Variants in SPEN observed in about 807,000 individuals in gnomAD.
SPEN encodes the protein msx2-interacting protein.
A neutral mutation model predicts 269.9 loss-of-function variants in SPEN; 18 were observed. The ratio of observed to expected loss-of-function variants is 0.07; its 90% CI spans 0.05 to 0.10. The LOEUF is 0.10. Ranked by LOEUF, SPEN falls within the 10% of genes least tolerant of loss-of-function variation. SPEN has a pLI of 1.00. For synonymous variants in SPEN, 1,726 were observed against 1,765.7 expected (o/e 0.98, Z 0.56); for missense variants, 3,822 against 4,631.2 (o/e 0.83, Z 5.07).
rs765855418 is a variant in SPEN at position 15,933,274 on chromosome 1, A to T, written c.7034A>T (p.Asn2345Ile). 6.2e-7 allele frequency: 1 copy of T among 1,614,106 alleles called. No homozygotes were observed. Among genetic ancestry groups the T allele is most frequent in the South Asian group, 1.1e-5 (1 of 91,086 alleles). Residue 2345 changes from asparagine to isoleucine, a missense_variant, in exon 11 of 15, where the codon AAC (asparagine) becomes ATC (isoleucine). Transcript: ENST00000375759. The surrounding 1 kb of genome is among the most constrained non-coding windows in gnomAD (Gnocchi z 5.7). Reference sequence around the variant, plus strand: ...CGATCACGCCGCAAGCGAAACACAAACAAGAAAGTGGTGGCTCCTGTAGAG... The same window carrying T: ...CGATCACGCCGCAAGCGAAACACAATCAAGAAAGTGGTGGCTCCTGTAGAG... ...TTRSRRKRNT[N>I]KKVVAPVESH...
chr1:15,919,629 T>C lies in SPEN; in HGVS notation c.1635+112T>C, dbSNP rs1212775931. On this transcript the variant is annotated intron_variant, in intron 8 of 14. Coordinates refer to ENST00000375759, the MANE Select transcript of SPEN (RefSeq NM_015001.3). Reference sequence around the variant, plus strand: ...GCCTATTTCTTTAATAACGAGCACATTAAAATTATGTTTGCTAAGATTTGG... The same window carrying C: ...GCCTATTTCTTTAATAACGAGCACACTAAAATTATGTTTGCTAAGATTTGG... The C allele has an allele frequency of 6.6e-6, 4 of 604,184 alleles. No individual in the cohort carries two copies. In the African/African-American group the frequency reaches 7.5e-5, roughly 11 times the overall value. 37.4% of individuals were successfully genotyped at this position (604,184 alleles called of 1,614,324 possible).
chr1:15,874,511 A>G (rs1557739315), intron 2 of SPEN: 4 of 734,018 alleles, frequency 5.4e-6, no homozygotes, highest in Non-Finnish European at 7.6e-6. Flanking sequence ...GAGAATAGCC[A>G]TTAGATTTCA....
At chr1:15,852,075 A>C (rs545333889) in intron 1 of SPEN, among the ~76,000 whole-genome samples, 20 of 152,346 alleles carry the variant, frequency 1.3e-4, no homozygotes, top group African/African-American at 4.6e-4. Flanking sequence ...AGTTAAATAG[A>C]TGGAATAGCT....
intron 10 of SPEN, among the ~76,000 whole-genome samples, chr1:15,925,187 T>C (rs1268169031): frequency 2.0e-5 from 3 of 152,230 alleles, no homozygotes; most frequent in Admixed American, 1.3e-4. Flanking sequence ...CACAGGCCAC[T>C]AAGGGGCTGG....
At chr1:15,853,457 G>A (rs2070355925) in intron 1 of SPEN, among the ~76,000 whole-genome samples, 1 of 151,290 alleles carries the variant, frequency 6.6e-6, no homozygotes, top group Non-Finnish European at 1.5e-5. Context: ...AAAGTGCTGG[G>A]ATTACAGGTG....
intron 3 of SPEN, among the ~76,000 whole-genome samples, chr1:15,902,235 T>A (rs2070909409): frequency 6.6e-6 from 1 of 152,186 alleles, no homozygotes; most frequent in African/African-American, 2.4e-5. Flanking sequence ...GGCCTGAAAA[T>A]CTTTTAAACG....
chr1:15,937,777 A>G lies in SPEN; in HGVS notation c.10510-35A>G, dbSNP rs777716983. On this transcript the variant is annotated intron_variant, in intron 12 of 14. Transcript: ENST00000375759. The surrounding 1 kb of genome is among the most constrained non-coding windows in gnomAD (Gnocchi z 5.7). ...GTCCAGCATGGCTCAGCGAGGGGCCATGAGCTCACTTCCTGTTTGTTTCCC... is the reference window on the plus strand; with the variant it reads ...GTCCAGCATGGCTCAGCGAGGGGCCGTGAGCTCACTTCCTGTTTGTTTCCC... 6.2e-7 allele frequency: 1 copy of G among 1,611,926 alleles called. No homozygotes were observed. The highest frequency in any genetic ancestry group is 8.5e-7 in the Non-Finnish European group (1 of 1,178,778).
At position 15,934,324 on chromosome 1, in the gene SPEN, G is replaced by A; in HGVS notation, c.8084G>A (p.Gly2695Glu). 1 of 1,613,842 alleles carries A rather than the reference G, an allele frequency of 6.2e-7. No homozygotes were observed. Among genetic ancestry groups the A allele is most frequent in the East Asian group, 2.2e-5 (1 of 44,882 alleles). ...TPAGPVNVLK[G>E]PVNVLTGPVN... ...GCTGGGCCCGTGAACGTCCTGAAAG[G>A]GCCTGTGAATGTTCTTACGGGGCCA... The change falls in exon 11 of 15, where the codon GGG becomes GAG. Residue 2695 changes from glycine (G) to glutamate (E), a missense_variant. Around this residue, in one of 16 missense-constraint regions of SPEN, gnomAD observed 329 missense variants for 431.2 expected, o/e 0.76. Coordinates refer to ENST00000375759, the MANE Select transcript of SPEN (RefSeq NM_015001.3). This position sits in a 1 kb window ranked among gnomAD's most constrained non-coding sequence, Gnocchi z 9.2.
chr1:15,937,230 C>T lies in SPEN; in HGVS notation c.10094C>T (p.Pro3365Leu). The T allele has an allele frequency of 6.2e-7, 1 of 1,613,842 alleles. No homozygotes were observed. The highest frequency in any genetic ancestry group is 1.3e-5 in the African/African-American group (1 of 74,978). The change falls in exon 12 of 15, where the codon CCT becomes CTT. Residue 3365 changes from proline (P) to leucine (L), a missense_variant. Pro to Leu is a moderately conservative substitution (Grantham distance 98, BLOSUM62 -3). Coordinates refer to ENST00000375759, the MANE Select transcript of SPEN (RefSeq NM_015001.3). The surrounding 1 kb of genome is among the most constrained non-coding windows in gnomAD (Gnocchi z 5.7). ...QPVQSTQPAQPAPPCPPSQLG... is the reference protein window; with the variant it reads ...QPVQSTQPAQLAPPCPPSQLG... ...GTGCAGTCCACACAGCCTGCCCAGC[C>T]TGCACCACCCTGCCCGCCCTCCCAG...
chr1:15,850,786 C>A (rs1283363142), intron 1 of SPEN, among the ~76,000 whole-genome samples: 1 of 152,152 alleles, frequency 6.6e-6, no homozygotes, highest in Non-Finnish European at 1.5e-5. Flanking sequence ...AACGATGGCT[C>A]TGCAAGAAAA....
rs1220450549 is a variant in SPEN at position 15,848,651 on chromosome 1, A to G, written c.83+501A>G. Among the ~76,000 whole-genome samples, 1 of 152,162 alleles carries G rather than the reference A, an allele frequency of 6.6e-6. No individual in the cohort carries two copies. Among genetic ancestry groups the G allele is most frequent in the Non-Finnish European group, 1.5e-5 (1 of 68,010 alleles). On this transcript the variant is annotated intron_variant, in intron 1 of 14. Coordinates refer to ENST00000375759, the MANE Select transcript of SPEN (RefSeq NM_015001.3). The surrounding 1 kb of genome is among the most constrained non-coding windows in gnomAD (Gnocchi z 5.1). ...GCGAAGGGAAAGGCGGTGCGAAAAC[A>G]GAAGTCGCAGTAGGTACTGTGGTCG...
Position 15,933,382 on chromosome 1 carries a change from C to T in SPEN, c.7142C>T (p.Pro2381Leu). 6.2e-7 allele frequency: 1 copy of T among 1,614,192 alleles called. No homozygotes were observed. Among genetic ancestry groups the T allele is most frequent in the Non-Finnish European group, 8.5e-7 (1 of 1,180,034 alleles). Residue 2381 changes from proline (P) to leucine (L), a missense_variant, in exon 11 of 15, where the codon CCA (proline) becomes CTA (leucine). Around this residue, in one of 16 missense-constraint regions of SPEN, gnomAD observed 727 missense variants for 737.9 expected, o/e 0.99. Coordinates refer to ENST00000375759, the MANE Select transcript of SPEN (RefSeq NM_015001.3). The surrounding 1 kb of genome is among the most constrained non-coding windows in gnomAD (Gnocchi z 5.7). ...ACAACAGTACAGCACCCCGAAGCCC[C>T]ACAGGAAGAAAAGCAGAGTGAGAAA... ...EGTTVQHPEA[P>L]QEEKQSEKPH... is the part of the protein sequence containing the mutation.
intron 5 of SPEN, among the ~76,000 whole-genome samples, chr1:15,912,008 TGGG>T (rs2071017421): frequency 6.6e-6 from 1 of 152,146 alleles, no homozygotes; most frequent in East Asian, 1.9e-4. Context: ...AATATTGATG[TGGG>T]GGACTTGTTA....
At chr1:15,909,901 G>A (rs566462722) in intron 4 of SPEN, among the ~76,000 whole-genome samples, 3 of 151,978 alleles carry the variant, frequency 2.0e-5, no homozygotes, top group South Asian at 2.1e-4. Flanking sequence ...CGAGGCGGGC[G>A]GATCACGAGG....
chr1:15,917,482 T>TG (rs1279634268), intron 6 of SPEN, among the ~76,000 whole-genome samples: 1 of 152,164 alleles, frequency 6.6e-6, no homozygotes, highest in East Asian at 1.9e-4. Flanking sequence ...CTCCGCCTCC[T>TG]GGGTTCAAGC....
chr1:15,872,939 G>A lies in SPEN; in HGVS notation c.207G>A (p.Met69Ile). 1.2e-6 allele frequency: 2 copies of A among 1,610,556 alleles called. No homozygotes were observed. Among genetic ancestry groups the A allele is most frequent in the Middle Eastern group, 1.7e-4 (1 of 6,046 alleles). ...AAGCTCACAACTCGGTCAACAAAATGGGTGACAGAGACCTACGCACGGATT... is the reference window on the plus strand; with the variant it reads ...AAGCTCACAACTCGGTCAACAAAATAGGTGACAGAGACCTACGCACGGATT... ...AQKAHNSVNK[M>I]GDRDLRTDYN... Residue 69 changes from methionine to isoleucine, a missense_variant, in exon 2 of 15, where the codon ATG becomes ATA. Transcript: ENST00000375759.
chr1:15,855,591 G>A (rs572584545), intron 1 of SPEN, among the ~76,000 whole-genome samples: 2 of 152,284 alleles, frequency 1.3e-5, no homozygotes, highest in Non-Finnish European at 2.9e-5. Context: ...TGGGTGCGGT[G>A]GCTCATGCCT....
rs1363293035 is a variant in SPEN, at chr1:15,929,681, A to G, written c.3441A>G (p.Gln1147=). Residue 1147 remains glutamine (Q), a synonymous_variant, in exon 11 of 15, where the codon CAA becomes CAG. Coordinates refer to ENST00000375759, the MANE Select transcript of SPEN (RefSeq NM_015001.3). This position sits in a 1 kb window ranked among gnomAD's most constrained non-coding sequence, Gnocchi z 5.8. ...AAACACCTGAACGTAAATCAGGCCAAGAGAAATCACATTCAGTAAATACTG... is the reference window on the plus strand; with the variant it reads ...AAACACCTGAACGTAAATCAGGCCAGGAGAAATCACATTCAGTAAATACTG... ...RDETPERKSG[Q]EKSHSVNTEE... 5 of 1,614,142 alleles carry G rather than the reference A, an allele frequency of 3.1e-6. No individual in the cohort carries two copies. Among genetic ancestry groups the G allele is most frequent in the Admixed American group, 1.7e-5 (1 of 60,022 alleles).
chr1:15,848,089 C>A lies in SPEN; in HGVS notation c.22C>A (p.Leu8Ile). The A allele has an allele frequency of 6.8e-7, 1 of 1,480,524 alleles. No homozygotes were observed. Among genetic ancestry groups the A allele is most frequent in the South Asian group, 1.3e-5 (1 of 77,446 alleles). The allele number at this position is 1,480,524 out of a possible 1,614,324, so 91.7% of individuals were successfully genotyped here. Reference protein sequence around the residue: MVRETRHLWVGNLPENVR... With the variant: MVRETRHIWVGNLPENVR... ...CAGCATGGTCCGGGAAACCAGGCAT[C>A]TCTGGGTGGGCAACTTACCCGAGAA... Residue 8 changes from leucine to isoleucine, a missense_variant, in exon 1 of 15, where the codon CTC (leucine) becomes ATC (isoleucine). Physicochemically the swap from Leu to Ile is conservative, Grantham distance 5. Coordinates refer to ENST00000375759, the MANE Select transcript of SPEN (RefSeq NM_015001.3). The surrounding 1 kb of genome is among the most constrained non-coding windows in gnomAD (Gnocchi z 5.1).
Sources: allele counts gnomAD v4.1 joint callset (sites outside exome capture counted in the v4.1 genomes callset), GRCh38; gene constraint gnomAD v4.1.1; regional missense constraint gnomAD v4.1.1; non-coding constraint Gnocchi (gnomAD v3.1); transcripts MANE v1.5; gene names NCBI Gene and HGNC (gene_info 2026-07-23, HGNC 2026-07-21).